The following TAF4B variants were observed in gnomAD, a reference collection of about 807,000 sequenced individuals.
TAF4B encodes the protein TATA-box binding protein associated factor 4b.
In TAF4B, 38 loss-of-function variants were observed where a neutral mutation model predicts 86.4. That is an observed-to-expected ratio of 0.44 (90% CI 0.34 to 0.58). The LOEUF is 0.58. Among genes scored for constraint, TAF4B ranks in the 20% least tolerant of loss-of-function variants. The probability of loss-of-function intolerance (pLI) is 0.02; values close to 1 mark genes in which losing one functional copy is unlikely to be tolerated. For synonymous variants in TAF4B, 388 were observed against 391.2 expected (o/e 0.99, Z 0.10); for missense variants, 988 against 1,027.6 (o/e 0.96, Z 0.53).
chr18:26,319,721 C>G (rs1568150823), intron 10 of TAF4B, among the ~76,000 whole-genome samples: 1 of 151,952 alleles, frequency 6.6e-6, no homozygotes, highest in East Asian at 1.9e-4. Context: ...TCTCGTGTAG[C>G]TCGGATTACA....
chr18:26,238,406 G>A (rs1485917474), intron 1 of TAF4B, among the ~76,000 whole-genome samples: 7 of 152,092 alleles, frequency 4.6e-5, no homozygotes, highest in African/African-American at 1.7e-4. Context: ...CTAGCTTCGG[G>A]AATAGCCTTT....
intron 9 of TAF4B, among the ~76,000 whole-genome samples, chr18:26,309,675 A>G (rs940004521): frequency 2.0e-5 from 3 of 152,168 alleles, no homozygotes; most frequent in Admixed American, 2.0e-4. Context: ...AATAAATAAT[A>G]CCAATTTTTA....
chr18:26,265,250 A>G lies in TAF4B; in HGVS notation c.424A>G (p.Ser142Gly). 6.2e-7 allele frequency: 1 copy of G among 1,614,218 alleles called. No individual in the cohort carries two copies. Among genetic ancestry groups the G allele is most frequent in the Non-Finnish European group, 8.5e-7 (1 of 1,180,044 alleles). The change falls in exon 2 of 15, where the codon AGT becomes GGT. Residue 142 changes from serine to glycine, a missense_variant. This residue lies in a region of TAF4B where 747 missense variants were observed against 737.9 expected (regional missense o/e 1.01). Coordinates refer to ENST00000269142, the MANE Select transcript of TAF4B (RefSeq NM_005640.3). ...AACTGTAACAAGAGCCGAGACCACA[A>G]GTAACATAACCTCAAGGCCAGCAGT... ...QQTVTRAETT[S>G]NITSRPAVPA...
chr18:26,389,991 A>T lies in TAF4B; in HGVS notation c.2568A>T (p.Leu856=). Residue 856 remains leucine (L), a synonymous_variant, in exon 15 of 15, where the codon CTA becomes CTT. Transcript: ENST00000269142. ...QEREMKYSRA[L]YLALLK ...GGGAGATGAAGTATTCTCGAGCTCT[A>T]TACCTGGCCCTTCTGAAGTGACCAC... 6.2e-7 allele frequency: 1 copy of T among 1,614,044 alleles called. No individual in the cohort carries two copies. Among genetic ancestry groups the T allele is most frequent in the Non-Finnish European group, 8.5e-7 (1 of 1,179,982 alleles).
At chr18:26,384,027 G>C (rs1978308597) in intron 14 of TAF4B, among the ~76,000 whole-genome samples, 1 of 152,200 alleles carries the variant, frequency 6.6e-6, no homozygotes. Context: ...TTTTGCTTCT[G>C]AGACTTAGAA....
intron 1 of TAF4B, among the ~76,000 whole-genome samples, chr18:26,259,250 G>A (rs576357322): frequency 6.7e-6 from 1 of 149,308 alleles, no homozygotes; most frequent in Non-Finnish European, 1.5e-5. Context: ...GTCTTTAATG[G>A]TGTTCCATGT....
At chr18:26,329,013 CCTTT>C (rs2057030069) in intron 12 of TAF4B, among the ~76,000 whole-genome samples, 1 of 151,980 alleles carries the variant, frequency 6.6e-6, no homozygotes, top group Non-Finnish European at 1.5e-5. Flanking sequence ...TCTCTTCCTC[CCTTT>C]CTTTCTTCTT....
chr18:26,339,923 T>C (rs1203303036), intron 13 of TAF4B, among the ~76,000 whole-genome samples: 2 of 152,214 alleles, frequency 1.3e-5, no homozygotes, highest in African/African-American at 2.4e-5. Flanking sequence ...CTGTGCAGAG[T>C]GAGACAAAGA....
At chr18:26,307,844 T>A (rs2056811094) in intron 9 of TAF4B, among the ~76,000 whole-genome samples, 1 of 152,216 alleles carries the variant, frequency 6.6e-6, no homozygotes, top group South Asian at 2.1e-4. Flanking sequence ...TTGTGTATGC[T>A]CACGCTTGTA....
intron 13 of TAF4B, among the ~76,000 whole-genome samples, chr18:26,337,426 T>TTC (rs1373691796): frequency 1.1e-4 from 15 of 132,446 alleles, no homozygotes; most frequent in Middle Eastern, 3.8e-3. Context: ...CTTTCTTTCT[T>TTC]TTTTTTTTTT....
intron 9 of TAF4B, among the ~76,000 whole-genome samples, chr18:26,314,461 T>C (rs1364242121): frequency 6.6e-6 from 1 of 152,190 alleles, no homozygotes; most frequent in African/African-American, 2.4e-5. Context: ...TTTGTATTTT[T>C]TATGCACATG....
At chr18:26,357,037 T>C (rs1227575357) in intron 13 of TAF4B, among the ~76,000 whole-genome samples, 2 of 152,160 alleles carry the variant, frequency 1.3e-5, no homozygotes, top group African/African-American at 4.8e-5. Context: ...AATCTAAGAC[T>C]TTTATTTGCA....
intron 1 of TAF4B, among the ~76,000 whole-genome samples, chr18:26,262,477 C>CTT (rs11291283): frequency 2.8e-5 from 4 of 143,432 alleles, no homozygotes; most frequent in Non-Finnish European, 3.0e-5. Context: ...TTTCCAAACA[C>CTT]TTTTTTTTTT....
At chr18:26,365,071 A>T (rs1232023360) in intron 14 of TAF4B, among the ~76,000 whole-genome samples, 1 of 145,788 alleles carries the variant, frequency 6.9e-6, no homozygotes, top group Non-Finnish European at 1.5e-5. Flanking sequence ...CAGTGTCGTA[A>T]TCTCGGCTCA....
At chr18:26,323,490 C>G (rs2056979436) in intron 11 of TAF4B, among the ~76,000 whole-genome samples, 1 of 150,850 alleles carries the variant, frequency 6.6e-6, no homozygotes, top group African/African-American at 2.4e-5. Flanking sequence ...TTTCCAGTAG[C>G]TAAGACTAAC....
At chr18:26,370,405 A>G (rs1046377825) in intron 14 of TAF4B, among the ~76,000 whole-genome samples, 6 of 152,222 alleles carry the variant, frequency 3.9e-5, no homozygotes, top group Admixed American at 1.3e-4. Context: ...GCAGATTCCA[A>G]TGAAACTGGG....
At chr18:26,306,621 A>G (rs2056797392) in intron 9 of TAF4B, among the ~76,000 whole-genome samples, 1 of 152,092 alleles carries the variant, frequency 6.6e-6, no homozygotes, top group Admixed American at 6.5e-5. Flanking sequence ...TATTTCTTAG[A>G]TATTTTTGTA....
intron 9 of TAF4B, among the ~76,000 whole-genome samples, chr18:26,294,775 G>A (rs1402593882): frequency 6.7e-6 from 1 of 150,024 alleles, no homozygotes; most frequent in Non-Finnish European, 1.5e-5. Context: ...GTACACAATA[G>A]TTTTTACATA....
In TAF4B at chr18:26,261,172, A is replaced by ATTT. The variant is rs71169839; in HGVS notation, c.344-3973_344-3971dup. Reference sequence around the variant, plus strand: ...CACATCCTTGAACATGAGCACTGTCATTTTTTTTTTTTTTTTTTTTTTTTT... The same window carrying ATTT: ...CACATCCTTGAACATGAGCACTGTCATTTTTTTTTTTTTTTTTTTTTTTTTTTT... On this transcript the variant is annotated intron_variant, in intron 1 of 14. Coordinates refer to ENST00000269142, the MANE Select transcript of TAF4B (RefSeq NM_005640.3). 1.9e-3 allele frequency among the ~76,000 whole-genome samples: 146 copies of ATTT among 77,118 alleles called. 11 individuals are homozygous for ATTT. The highest frequency in any genetic ancestry group is 4.7e-3 in the African/African-American group (94 of 19,850). 50.6% of individuals were successfully genotyped at this position (77,118 alleles called of 152,430 possible).
Sources: allele counts gnomAD v4.1 joint callset (sites outside exome capture counted in the v4.1 genomes callset), GRCh38; gene constraint gnomAD v4.1.1; regional missense constraint gnomAD v4.1.1; transcripts MANE v1.5; gene names NCBI Gene and HGNC (gene_info 2026-07-23, HGNC 2026-07-21).